The following BRI3 variants were observed in gnomAD, a reference collection of about 807,000 sequenced individuals.
The protein encoded by BRI3 is brain protein I3, also known as membrane protein BRI3.
In BRI3, 6 loss-of-function variants were observed where a neutral mutation model predicts 12.8. The observed-to-expected ratio is 0.47, with a 90% CI of 0.26 to 0.93. The LOEUF is 0.93. Ranked by LOEUF, BRI3 falls within the 40% of genes least tolerant of loss-of-function variation. The probability of loss-of-function intolerance (pLI) is 0.15; values close to 1 mark genes in which losing one functional copy is unlikely to be tolerated. For synonymous variants in BRI3, 91 were observed against 76.1 expected (o/e 1.20, Z -1.02); for missense variants, 134 against 171.1 (o/e 0.78, Z 1.21).
At chr7:98,308,140 G>A (rs556974480) in exon 2 of BRI3, 22 of 637,452 alleles carry the variant, frequency 3.5e-5, no homozygotes, top group Admixed American at 2.9e-4. Flanking sequence ...CTGCGGCTGC[G>A]GGCTCTTTTC....
the BRI3 span, among the ~76,000 whole-genome samples, chr7:98,315,913 G>C: frequency 6.6e-6 from 1 of 152,110 alleles, no homozygotes; most frequent in East Asian, 1.9e-4. Flanking sequence ...AAAGCACCAC[G>C]GGCTTTGGAA....
At chr7:98,304,428 C>A (rs772627248), upstream of BRI3, 2 of 1,578,128 alleles carry the variant, frequency 1.3e-6, no homozygotes, top group African/African-American at 1.3e-5. Context: ...CACCACCAAA[C>A]CCCAAACATC....
downstream of BRI3, among the ~76,000 whole-genome samples, chr7:98,311,715 G>A (rs1800877957): frequency 6.6e-6 from 1 of 151,640 alleles, no homozygotes; most frequent in South Asian, 2.1e-4. Context: ...AGACCAGCCT[G>A]ACCAACATGG....
At chr7:98,292,374 A>C, downstream of BRI3, 1 of 439,464 alleles carries the variant, frequency 2.3e-6, no homozygotes, top group Admixed American at 3.7e-5. Context: ...ACACCTGTCT[A>C]ATTTTTGTAT....
downstream of BRI3, among the ~76,000 whole-genome samples, chr7:98,295,087 G>A (rs1363882837): frequency 6.6e-6 from 1 of 152,206 alleles, no homozygotes; most frequent in East Asian, 1.9e-4. Context: ...GCACCCCCAG[G>A]GGGTCTCAGG....
rs1390337902 is a variant in BRI3, at chr7:98,289,140, T to C, written c.246-1971T>C. ...GCCCAGCTAATTTCTGTATTTTTAG[T>C]AGAAACGCGGTTTCACCATGTTGAC... On this transcript the variant is annotated intron_variant, in intron 2 of 2. Coordinates refer to ENST00000297290, the MANE Select transcript of BRI3 (RefSeq NM_015379.5). Among the ~76,000 whole-genome samples, 5 of 152,068 alleles carry C rather than the reference T, an allele frequency of 3.3e-5. No individual in the cohort carries two copies. In the East Asian group the frequency reaches 7.7e-4, roughly 24 times the overall value.
chr7:98,301,028 C>T (rs1431463858), intron 1 of BRI3, among the ~76,000 whole-genome samples: 1 of 152,184 alleles, frequency 6.6e-6, no homozygotes, highest in Non-Finnish European at 1.5e-5. Flanking sequence ...TCTCATTCCT[C>T]TTTGTGTCCT....
the BRI3 span, among the ~76,000 whole-genome samples, chr7:98,318,703 A>G: frequency 1.7e-4 from 25 of 151,048 alleles, no homozygotes; most frequent in African/African-American, 6.1e-4. Context: ...CCAGCACTTT[A>G]GGAGGCCGAG....
At chr7:98,282,669 A>G (rs1584385861) in intron 2 of BRI3, 2 of 541,944 alleles carry the variant, frequency 3.7e-6, no homozygotes, top group East Asian at 6.2e-5. Context: ...TGTGGGGGCA[A>G]AAGGGTGGAT....
At chr7:98,306,732 G>A (rs1800672483) in intron 1 of BRI3, 1 of 645,030 alleles carries the variant, frequency 1.6e-6, no homozygotes, top group African/African-American at 1.8e-5. Flanking sequence ...AATAGAGACA[G>A]GGTCTCGCTC....
chr7:98,310,718 G>C, downstream of BRI3: 1 of 680,656 alleles, frequency 1.5e-6, no homozygotes, highest in South Asian at 2.7e-5. Context: ...ACAGAGTCTC[G>C]CTGTGTTGCC....
At chr7:98,299,971 G>C (rs1484505935) in intron 1 of BRI3, among the ~76,000 whole-genome samples, 1 of 152,222 alleles carries the variant, frequency 6.6e-6, no homozygotes, top group Non-Finnish European at 1.5e-5. Flanking sequence ...AGCCCGGGAA[G>C]TGGAGGTTGC....
chr7:98,297,573 C>G (rs1800243817), downstream of BRI3, among the ~76,000 whole-genome samples: 1 of 152,218 alleles, frequency 6.6e-6, no homozygotes, highest in East Asian at 1.9e-4. Context: ...TGACACCTGT[C>G]TTCAGTGTGA....
intron 1 of BRI3, among the ~76,000 whole-genome samples, chr7:98,301,360 G>A (rs1295596674): frequency 6.6e-6 from 1 of 152,022 alleles, no homozygotes; most frequent in Non-Finnish European, 1.5e-5. Context: ...ATTAGAATCC[G>A]CATAAGGAGG....
chr7:98,285,189 T>G (rs773831104), intron 2 of BRI3, among the ~76,000 whole-genome samples: 5 of 152,112 alleles, frequency 3.3e-5, no homozygotes, highest in Non-Finnish European at 5.9e-5. Flanking sequence ...AGAACAGCTG[T>G]GGAGGGCGGA....
intron 1 of BRI3, chr7:98,306,703 T>C: frequency 1.1e-6 from 1 of 872,448 alleles, no homozygotes; most frequent in South Asian, 1.8e-5. Flanking sequence ...ACAATGTGTA[T>C]TGTTAACAAT....
chr7:98,316,908 G>T, the BRI3 span, among the ~76,000 whole-genome samples: 15 of 151,286 alleles, frequency 9.9e-5, no homozygotes, highest in African/African-American at 3.4e-4. Context: ...CTGTCACCCA[G>T]GCTGGAGTGC....
At chr7:98,307,898 T>C (rs1800720763) in exon 2 of BRI3, 2 of 1,614,132 alleles carry the variant, frequency 1.2e-6, no homozygotes, top group Non-Finnish European at 1.7e-6. Context: ...CGGAAGTACC[T>C]GTTGGAGGGA....
upstream of BRI3, chr7:98,306,417 G>C (rs1296748358): frequency 6.2e-7 from 1 of 1,613,644 alleles, no homozygotes. Flanking sequence ...CACCGGGAGA[G>C]CTCAGCCACG....
Sources: gnomAD v4.1 joint callset for allele counts (sites outside exome capture counted in the v4.1 genomes callset) on GRCh38, gnomAD v4.1.1 for gene constraint, MANE v1.5 for transcripts, NCBI Gene and HGNC (gene_info 2026-07-23, HGNC 2026-07-21) for gene names.